Variants in THADA observed in about 807,000 individuals in gnomAD.
The protein encoded by THADA is tRNA (32-2'-O)-methyltransferase regulator THADA.
Under a neutral mutation model 219.8 loss-of-function variants are expected in THADA, and 213 were observed. The observed-to-expected ratio is 0.97, with a 90% CI of 0.87 to 1.09. The LOEUF (loss-of-function observed/expected upper bound fraction) is 1.09, where lower values mean the gene tolerates loss of function less well. Among genes scored for constraint, THADA ranks in the 50% least tolerant of loss-of-function variants. The pLI is 0.00. For missense variants in THADA, 2,956 were observed against 2,311.3 expected (o/e 1.28, Z -5.72); for synonymous variants, 1,018 against 828.9 (o/e 1.23, Z -3.92).
intron 13 of THADA, among the ~76,000 whole-genome samples, chr2:43,571,128 C>T (rs957682361): frequency 3.3e-5 from 5 of 152,130 alleles, no homozygotes; most frequent in Non-Finnish European, 7.4e-5. Flanking sequence ...TGGTGGTGTG[C>T]CCCTGTCATC....
intron 26 of THADA, among the ~76,000 whole-genome samples, chr2:43,481,615 A>C (rs762636373): frequency 7.9e-5 from 12 of 152,190 alleles, no homozygotes; most frequent in Non-Finnish European, 1.8e-4. Flanking sequence ...TGATTTTTAT[A>C]TGGTGTCTCC....
intron 22 of THADA, among the ~76,000 whole-genome samples, chr2:43,524,603 A>C (rs903540473): frequency 6.6e-6 from 1 of 152,206 alleles, no homozygotes; most frequent in African/African-American, 2.4e-5. Context: ...AAAAGAAACA[A>C]ATTTTCTTTT....
intron 26 of THADA, among the ~76,000 whole-genome samples, chr2:43,456,066 A>G (rs1682959710): frequency 1.3e-5 from 2 of 152,210 alleles, no homozygotes; most frequent in Admixed American, 6.5e-5. Context: ...ATTGAAACTC[A>G]TTTGGTAAAA....
chr2:43,415,953 T>C (rs972872993), intron 28 of THADA, among the ~76,000 whole-genome samples: 4 of 152,012 alleles, frequency 2.6e-5, no homozygotes, highest in Admixed American at 2.6e-4. Context: ...ATGTCTTAAA[T>C]CACACAGAAA....
At chr2:43,332,092 T>C (rs1193245948) in intron 30 of THADA, among the ~76,000 whole-genome samples, 1 of 152,206 alleles carries the variant, frequency 6.6e-6, no homozygotes, top group East Asian at 1.9e-4. Flanking sequence ...ATCTTATTAT[T>C]ATTATTTTTT....
intron 14 of THADA, among the ~76,000 whole-genome samples, chr2:43,568,031 G>C (rs998960781): frequency 6.6e-5 from 10 of 151,842 alleles, no homozygotes; most frequent in South Asian, 4.2e-4. Context: ...TACTGGGGGT[G>C]GGGGGGAGAA....
Position 43,291,730 on chromosome 2 carries a change from T to C in THADA, c.4976A>G (p.Lys1659Arg), listed in dbSNP as rs1674751876. The change falls in exon 34 of 38, where the codon AAA becomes AGA. Residue 1659 changes from lysine to arginine, a missense_variant. By Grantham distance (26) the Lys-to-Arg change is conservative. Transcript: ENST00000405975. ...IQSVALRLAS[K>R]VISHHMQTCV... ...TGTCTGCATGTGGTGGGAAATGACT[T>C]TGGAAGCAAGTCTCAGAGCTACACT... 6.4e-7 allele frequency: 1 copy of C among 1,557,046 alleles called. No individual in the cohort carries two copies. The highest frequency in any genetic ancestry group is 8.7e-7 in the Non-Finnish European group (1 of 1,148,972).
At chr2:43,294,631 A>G (rs1675146619) in intron 31 of THADA, among the ~76,000 whole-genome samples, 1 of 152,208 alleles carries the variant, frequency 6.6e-6, no homozygotes, top group Admixed American at 6.5e-5. Flanking sequence ...TATTTTAAGC[A>G]GTAAGGTCAG....
intron 36 of THADA, among the ~76,000 whole-genome samples, chr2:43,272,076 T>C (rs1672188897): frequency 6.6e-6 from 1 of 151,970 alleles, no homozygotes. Context: ...GAAGCTGAGA[T>C]TGGAATGATA....
intron 35 of THADA, among the ~76,000 whole-genome samples, chr2:43,282,418 C>A (rs1275290564): frequency 6.6e-6 from 1 of 152,220 alleles, no homozygotes; most frequent in Non-Finnish European, 1.5e-5. Flanking sequence ...TTGGTCTGAA[C>A]TCCTACAACA....
intron 36 of THADA, among the ~76,000 whole-genome samples, chr2:43,273,616 C>T (rs1672384091): frequency 1.3e-5 from 2 of 152,184 alleles, no homozygotes. Context: ...CTGAAAAAAG[C>T]ACAGGGCCTG....
intron 31 of THADA, among the ~76,000 whole-genome samples, chr2:43,302,466 T>TTTC (rs1676379352): frequency 6.6e-6 from 1 of 152,040 alleles, no homozygotes; most frequent in Admixed American, 6.6e-5. Flanking sequence ...TTTTTTTTTT[T>TTTC]TTCACTCTTT....
chr2:43,431,434 C>G (rs1197659483), intron 26 of THADA, among the ~76,000 whole-genome samples: 3 of 152,086 alleles, frequency 2.0e-5, no homozygotes, highest in African/African-American at 7.2e-5. Context: ...TTTGTCTATT[C>G]TAGAATTTCA....
intron 29 of THADA, among the ~76,000 whole-genome samples, chr2:43,389,430 T>C (rs866778074): frequency 1.3e-5 from 2 of 152,196 alleles, no homozygotes; most frequent in Non-Finnish European, 2.9e-5. Context: ...GGCCAGCCTA[T>C]GCACCATAGC....
intron 29 of THADA, among the ~76,000 whole-genome samples, chr2:43,393,803 G>T (rs1208364112): frequency 6.6e-6 from 1 of 150,952 alleles, no homozygotes; most frequent in African/African-American, 2.4e-5. Flanking sequence ...AAATAGACAA[G>T]AAATGAAAAA....
At chr2:43,300,730 G>C (rs1002629728) in intron 31 of THADA, among the ~76,000 whole-genome samples, 6 of 152,176 alleles carry the variant, frequency 3.9e-5, no homozygotes, top group Non-Finnish European at 5.9e-5. Flanking sequence ...GTTAGACCTA[G>C]AGCCAAAAGG....
intron 4 of THADA, among the ~76,000 whole-genome samples, chr2:43,588,793 T>A (rs1701257087): frequency 1.3e-5 from 2 of 152,074 alleles, no homozygotes; most frequent in South Asian, 4.1e-4. Flanking sequence ...TAGGCCTAAT[T>A]TTTGGTCCAG....
chr2:43,471,236 A>G (rs1004165286), intron 26 of THADA, among the ~76,000 whole-genome samples: 5 of 152,198 alleles, frequency 3.3e-5, no homozygotes, highest in African/African-American at 7.2e-5. Context: ...TATAAAGAAT[A>G]CACACCTGGC....
Position 43,382,391 on chromosome 2 carries a change from A to G in THADA, c.4227+15580T>C, listed in dbSNP as rs528570600. Among the ~76,000 whole-genome samples the G allele has an allele frequency of 4.6e-5, 7 of 152,350 alleles. No homozygotes were observed. In the South Asian group the frequency reaches 1.4e-3, roughly 32 times the overall value. On this transcript the variant is annotated intron_variant, in intron 29 of 37. Transcript: ENST00000405975. The stretch of plus-strand genomic sequence containing the variant: ...GTATATATAAAACTATTCTTAAGTA[A>G]GAAGTTTATTTAAAATGAGACAGTG...
Sources: gnomAD v4.1 joint callset for allele counts (sites outside exome capture counted in the v4.1 genomes callset) on GRCh38, gnomAD v4.1.1 for gene constraint, MANE v1.5 for transcripts, NCBI Gene and HGNC (gene_info 2026-07-23, HGNC 2026-07-21) for gene names.